OPHN1: variants seen among roughly 807,000 people sequenced by gnomAD.
OPHN1 encodes oligophrenin-1.
OPHN1 carries 11 observed loss-of-function variants against 60.7 expected under a neutral mutation model. The observed-to-expected ratio is 0.18, with a 90% CI of 0.11 to 0.30. The LOEUF is 0.30. Among genes scored for constraint, OPHN1 ranks in the 10% least tolerant of loss-of-function variants. The probability of loss-of-function intolerance (pLI) is 1.00; values close to 1 mark genes in which losing one functional copy is unlikely to be tolerated. For synonymous variants in OPHN1, 226 were observed against 222.6 expected (o/e 1.02, Z -0.14); for missense variants, 449 against 611.0 (o/e 0.73, Z 2.80).
intron 2 of OPHN1, among the ~76,000 whole-genome samples, chrX:68,372,693 TG>T (rs2078535502): frequency 9.0e-6 from 1 of 110,798 alleles, no homozygotes; most frequent in Non-Finnish European, 1.9e-5. Context: ...ACATTTGTTT[TG>T]CCACATCTGG....
intron 20 of OPHN1, chrX:68,070,587 C>T: frequency 1.5e-6 from 1 of 654,374 alleles, no homozygotes; most frequent in Non-Finnish European, 2.6e-6. Context: ...ACTGGCACCA[C>T]CCGTAGTGCT....
At chrX:68,390,403 A>C (rs1376262343) in intron 2 of OPHN1, among the ~76,000 whole-genome samples, 2 of 111,158 alleles carry the variant, frequency 1.8e-5, no homozygotes, top group Non-Finnish European at 3.8e-5. Flanking sequence ...GTTTGAGACC[A>C]GCCTAAGAAA....
At chrX:68,381,612 G>A (rs896338986) in intron 2 of OPHN1, among the ~76,000 whole-genome samples, 6 of 111,230 alleles carry the variant, frequency 5.4e-5, no homozygotes, top group African/African-American at 2.0e-4. Context: ...CCTAGGTTCT[G>A]CTACAGACCA....
At chrX:68,113,972 A>AT (rs1348448562) in intron 16 of OPHN1, among the ~76,000 whole-genome samples, 8 of 68,253 alleles carry the variant, frequency 1.2e-4, no homozygotes, top group Admixed American at 8.6e-4. Context: ...AATAATAATA[A>AT]AAAAAAAAAG....
At chrX:68,141,181 G>T (rs940092877) in intron 15 of OPHN1, among the ~76,000 whole-genome samples, 1 of 111,593 alleles carries the variant, frequency 9.0e-6, no homozygotes, top group Non-Finnish European at 1.9e-5. Flanking sequence ...AAAGGTCAAG[G>T]GAACAAATCC....
At chrX:68,422,554 G>A (rs1398242962) in intron 2 of OPHN1, among the ~76,000 whole-genome samples, 2 of 92,600 alleles carry the variant, frequency 2.2e-5, no homozygotes, top group East Asian at 6.6e-4. Flanking sequence ...AAGGGAAGGA[G>A]GGAGGGAGGG....
intron 5 of OPHN1, among the ~76,000 whole-genome samples, chrX:68,242,365 A>C (rs767729582): frequency 2.7e-5 from 3 of 111,223 alleles, no homozygotes; most frequent in Non-Finnish European, 5.7e-5. Flanking sequence ...CCTGGGTGAC[A>C]GGCTGAGATC....
chrX:68,356,453 C>T (rs1176075321), intron 2 of OPHN1, among the ~76,000 whole-genome samples: 2 of 109,454 alleles, frequency 1.8e-5, no homozygotes, highest in East Asian at 5.7e-4. Flanking sequence ...CACTCTGTTT[C>T]CCAGGCTGGA....
intron 2 of OPHN1, among the ~76,000 whole-genome samples, chrX:68,385,311 C>A (rs1252648666): frequency 9.0e-6 from 1 of 111,332 alleles, no homozygotes; most frequent in East Asian, 2.8e-4. Flanking sequence ...TTTTGCTTGG[C>A]ACAATGGCTG....
chrX:68,220,776 G>A (rs1172524793), intron 6 of OPHN1, among the ~76,000 whole-genome samples: 2 of 73,749 alleles, frequency 2.7e-5, no homozygotes, highest in African/African-American at 8.5e-5. Flanking sequence ...TTGATGGGAC[G>A]TATTTCAAAA....
chrX:68,291,354 G>T (rs1475506112), intron 3 of OPHN1, among the ~76,000 whole-genome samples: 1 of 112,062 alleles, frequency 8.9e-6, no homozygotes, highest in Non-Finnish European at 1.9e-5. Flanking sequence ...TCAACAAATA[G>T]GAACGTCTTG....
At chrX:68,254,487 C>T (rs2077851660) in intron 5 of OPHN1, among the ~76,000 whole-genome samples, 1 of 111,042 alleles carries the variant, frequency 9.0e-6, no homozygotes, top group Non-Finnish European at 1.9e-5. Flanking sequence ...CAATAGCCAT[C>T]CTCTTTCTTC....
Position 68,375,066 on chromosome X carries a change from T to C in OPHN1, c.154+57801A>G, listed in dbSNP as rs539311644. ...TCTAGAAAATGGTTTGGCAGTTTCT[T>C]ATAAAATTAAACATGTACATATATG... On this transcript the variant is annotated intron_variant, in intron 2 of 24. Transcript: ENST00000355520. 4.4e-5 allele frequency among the ~76,000 whole-genome samples: 5 copies of C among 112,528 alleles called. No individual in the cohort carries two copies. In the South Asian group the frequency reaches 1.5e-3, roughly 33 times the overall value.
chrX:68,379,958 G>C (rs748011146), intron 2 of OPHN1, among the ~76,000 whole-genome samples: 21 of 110,073 alleles, frequency 1.9e-4, no homozygotes, highest in African/African-American at 7.1e-4. Flanking sequence ...AGTTAGGGAG[G>C]ATTCCTTCTT....
chrX:68,224,876 T>G (rs1340912751), intron 6 of OPHN1, among the ~76,000 whole-genome samples: 1 of 112,384 alleles, frequency 8.9e-6, no homozygotes, highest in Admixed American at 9.4e-5. Context: ...TGCGGCTTGT[T>G]GGACAGTGGG....
Position 68,046,757 on chromosome X carries a change from G to A in OPHN1, c.*415C>T, listed in dbSNP as rs1356342853. On this transcript the variant is annotated 3_prime_UTR_variant, in exon 25 of 25. Coordinates refer to ENST00000355520, the MANE Select transcript of OPHN1 (RefSeq NM_002547.3). The stretch of plus-strand genomic sequence containing the variant: ...CAACTCAAGTGGCCTTCAGTTCAAG[G>A]TAAGACCCCTGAGATCAGTCTTTAG... 2 of 111,971 alleles carry A rather than the reference G, an allele frequency of 1.8e-5. No individual in the cohort carries two copies. The highest frequency in any genetic ancestry group is 3.8e-5 in the Non-Finnish European group (2 of 53,179). The allele number at this position is 111,971 out of a possible 1,213,427, so 9.2% of individuals were successfully genotyped here.
At chrX:68,128,258 T>C (rs1366946693) in intron 15 of OPHN1, among the ~76,000 whole-genome samples, 2 of 110,538 alleles carry the variant, frequency 1.8e-5, no homozygotes, top group African/African-American at 3.3e-5. Context: ...TCTCATTATG[T>C]TGCCCAGGCT....
rs140977937 is a variant in OPHN1 at position 68,273,870 on chromosome X, T to A, written c.384+868A>T. 1.1e-3 allele frequency among the ~76,000 whole-genome samples: 124 copies of A among 111,931 alleles called. 1 individual carries two copies. Among genetic ancestry groups the A allele is most frequent in the African/African-American group, 3.7e-3 (114 of 30,784 alleles). ...GAAAAGAGATTTAATGGGCTCACAGTTCTGCAAGCTGTACAGGAAGTACAG... is the reference window on the plus strand; with the variant it reads ...GAAAAGAGATTTAATGGGCTCACAGATCTGCAAGCTGTACAGGAAGTACAG... On this transcript the variant is annotated intron_variant, in intron 5 of 24. Coordinates refer to ENST00000355520, the MANE Select transcript of OPHN1 (RefSeq NM_002547.3).
At chrX:68,415,639 C>T (rs2078790271) in intron 2 of OPHN1, among the ~76,000 whole-genome samples, 2 of 111,814 alleles carry the variant, frequency 1.8e-5, no homozygotes, top group South Asian at 7.4e-4. Flanking sequence ...AATAACATAT[C>T]AAAAACCATG....
Sources: allele counts gnomAD v4.1 joint callset (sites outside exome capture counted in the v4.1 genomes callset), GRCh38; gene constraint gnomAD v4.1.1; transcripts MANE v1.5; gene names NCBI Gene and HGNC (gene_info 2026-07-23, HGNC 2026-07-21).